LRP1B: variants seen among roughly 807,000 people sequenced by gnomAD.
LRP1B encodes the protein LDL receptor related protein 1B, also known as low-density lipoprotein receptor-related protein 1B.
LRP1B carries 217 observed loss-of-function variants against 556.6 expected under a neutral mutation model. The observed-to-expected ratio is 0.39, with a 90% confidence interval of 0.35 to 0.44. The LOEUF is 0.44. Ranked by LOEUF, LRP1B falls within the 20% of genes least tolerant of loss-of-function variation. LRP1B has a pLI of 1.00. For missense variants in LRP1B, 5,053 were observed against 5,620.8 expected, an observed-to-expected ratio of 0.90 and a Z score of 3.23; for synonymous variants, 2,047 against 1,865.8, an observed-to-expected ratio of 1.10 and a Z score of -2.50.
chr2:140,736,922 A>G (rs963836236), intron 35 of LRP1B, among the ~76,000 whole-genome samples: 1 of 152,128 alleles, frequency 6.6e-6, no homozygotes, highest in African/African-American at 2.4e-5. Context: ...CATGACTGGC[A>G]AGGTTGAAGG....
At chr2:140,323,402 TACTTG>T (rs1680265611) in intron 81 of LRP1B, among the ~76,000 whole-genome samples, 1 of 151,964 alleles carries the variant, frequency 6.6e-6, no homozygotes, top group Admixed American at 6.6e-5. Flanking sequence ...GAATGATAGT[TACTTG>T]TTGATTAGTG....
intron 2 of LRP1B, among the ~76,000 whole-genome samples, chr2:141,699,780 T>C (rs1385600629): frequency 6.6e-6 from 1 of 150,570 alleles, no homozygotes; most frequent in East Asian, 2.0e-4. Context: ...ATGTGAATAT[T>C]TGCCGTATTT....
intron 3 of LRP1B, among the ~76,000 whole-genome samples, chr2:141,400,141 T>C (rs78916462): frequency 0.04 from 6,123 of 151,994 alleles, 167 homozygotes; most frequent in South Asian, 0.093. Flanking sequence ...CCACCACAAC[T>C]GGCTAGTTAA....
At chr2:140,354,840 TTAGA>T (rs1682137007) in intron 75 of LRP1B, among the ~76,000 whole-genome samples, 1 of 152,128 alleles carries the variant, frequency 6.6e-6, no homozygotes, top group South Asian at 2.1e-4. Context: ...TTTTTTCCCT[TTAGA>T]TATTCTAATT....
chr2:141,669,585 T>G (rs1381171106), intron 2 of LRP1B, among the ~76,000 whole-genome samples: 2 of 152,126 alleles, frequency 1.3e-5, no homozygotes, highest in Non-Finnish European at 2.9e-5. Flanking sequence ...TACCTTTCAT[T>G]GCAATTATTT....
intron 35 of LRP1B, among the ~76,000 whole-genome samples, chr2:140,756,042 C>T (rs1688732348): frequency 6.6e-6 from 1 of 151,788 alleles, no homozygotes; most frequent in Admixed American, 6.6e-5. Context: ...AAATCGATTG[C>T]ACTTCAACAC....
chr2:141,924,379 C>A (rs183239912), intron 1 of LRP1B, among the ~76,000 whole-genome samples: 1 of 152,196 alleles, frequency 6.6e-6, no homozygotes, highest in African/African-American at 2.4e-5. Flanking sequence ...TGAGAGCCAC[C>A]TCCACCATTC....
intron 60 of LRP1B, among the ~76,000 whole-genome samples, chr2:140,474,607 A>G (rs1398040555): frequency 6.6e-6 from 1 of 151,906 alleles, no homozygotes; most frequent in African/African-American, 2.4e-5. Context: ...GGCTTCTGCT[A>G]TATCCGTGTC....
chr2:141,735,756 A>T (rs912725127), intron 2 of LRP1B, among the ~76,000 whole-genome samples: 1 of 152,136 alleles, frequency 6.6e-6, no homozygotes, highest in African/African-American at 2.4e-5. Flanking sequence ...CTTAATTTCC[A>T]TTCTTCCGAA....
At chr2:141,955,619 G>T (rs1019655106) in intron 1 of LRP1B, among the ~76,000 whole-genome samples, 4 of 152,070 alleles carry the variant, frequency 2.6e-5, no homozygotes, top group African/African-American at 7.2e-5. Context: ...CCAGTGGAAG[G>T]CAGCTTCCCA....
chr2:140,672,239 G>A (rs530699850), intron 41 of LRP1B, among the ~76,000 whole-genome samples: 3 of 152,130 alleles, frequency 2.0e-5, no homozygotes, highest in Non-Finnish European at 4.4e-5. Flanking sequence ...TGTAATCCCA[G>A]CACTTTGGGA....
intron 1 of LRP1B, among the ~76,000 whole-genome samples, chr2:141,895,718 CGTT>C (rs1158037808): frequency 1.3e-5 from 2 of 152,092 alleles, no homozygotes; most frequent in South Asian, 2.1e-4. Context: ...ATATAGAAAT[CGTT>C]GTCCTTACAT....
At chr2:141,922,807 T>C (rs1475769827) in intron 1 of LRP1B, among the ~76,000 whole-genome samples, 1 of 152,070 alleles carries the variant, frequency 6.6e-6, no homozygotes, top group African/African-American at 2.4e-5. Context: ...TAAATGGGAA[T>C]GATAAAAAGT....
intron 1 of LRP1B, among the ~76,000 whole-genome samples, chr2:141,984,348 T>C (rs1702125565): frequency 1.4e-5 from 2 of 144,134 alleles, no homozygotes; most frequent in South Asian, 2.3e-4. Context: ...AAGAATAAAG[T>C]TTGAGAGTAC....
chr2:141,042,480 A>T (rs1157041463), intron 11 of LRP1B, among the ~76,000 whole-genome samples: 2 of 152,092 alleles, frequency 1.3e-5, no homozygotes, highest in African/African-American at 4.8e-5. Context: ...CTGAAGTTTC[A>T]TGTCTCCTGC....
At chr2:141,135,367 G>A (rs921961911) in intron 7 of LRP1B, among the ~76,000 whole-genome samples, 1 of 151,922 alleles carries the variant, frequency 6.6e-6, no homozygotes, top group African/African-American at 2.4e-5. Context: ...AACAATGAGA[G>A]TTGAGTGCTG....
intron 37 of LRP1B, 106 bp from the exon 38 acceptor site, chr2:140,702,659 T>TA (rs1251991693): frequency 3.1e-6 from 3 of 959,326 alleles, no homozygotes; most frequent in Non-Finnish European, 4.8e-6. Flanking sequence ...CACACTAGAA[T>TA]AAAAATAATA....
chr2:141,172,829 A>C (rs1680564953), intron 7 of LRP1B, among the ~76,000 whole-genome samples: 1 of 152,020 alleles, frequency 6.6e-6, no homozygotes, highest in African/African-American at 2.4e-5. Flanking sequence ...ATCCTCTGTG[A>C]GTAGTTACCT....
rs751321954 is a variant in LRP1B at position 140,485,506 on chromosome 2, C to T, written c.9262G>A (p.Val3088Ile). ...SDIKVVHNTAVPNALAVDWIG... is the reference protein window; with the variant it reads ...SDIKVVHNTAIPNALAVDWIG... The stretch of plus-strand genomic sequence containing the variant: ...CAATCGACAGCAAGTGCATTGGGGA[C>T]CGCTGTGTTATGAACTACCTACAAA... The change falls in exon 59 of 91, where the codon GTC (valine) becomes ATC (isoleucine). Residue 3088 changes from valine to isoleucine, a missense_variant. Transcript: ENST00000389484. 2 of 1,613,272 alleles carry T rather than the reference C, an allele frequency of 1.2e-6. No individual in the cohort carries two copies. The highest frequency in any genetic ancestry group is 8.5e-7 in the Non-Finnish European group (1 of 1,179,548).
Sources: gnomAD v4.1 joint callset for allele counts (sites outside exome capture counted in the v4.1 genomes callset) on GRCh38, gnomAD v4.1.1 for gene constraint, MANE v1.5 for transcripts, NCBI Gene and HGNC (gene_info 2026-07-23, HGNC 2026-07-21) for gene names.